The following LRP1B variants were observed in gnomAD, a reference collection of about 807,000 sequenced individuals.
LRP1B encodes LDL receptor related protein 1B.
In LRP1B, 217 loss-of-function variants were observed where a neutral mutation model predicts 556.6. The ratio of observed to expected loss-of-function variants is 0.39; its 90% confidence interval spans 0.35 to 0.44. LRP1B has a LOEUF of 0.44. LRP1B is among the 20% of genes least tolerant of loss of function. The pLI is 1.00. For synonymous variants in LRP1B, 2,047 were observed against 1,865.8 expected, an observed-to-expected ratio of 1.10 and a Z score of -2.50; for missense variants, 5,053 against 5,620.8, an observed-to-expected ratio of 0.90 and a Z score of 3.23.
chr2:141,073,545 C>A (rs1409223879), intron 7 of LRP1B, among the ~76,000 whole-genome samples: 1 of 152,090 alleles, frequency 6.6e-6, no homozygotes, highest in African/African-American at 2.4e-5. Flanking sequence ...ATTAATGTTA[C>A]AATAACTCAC....
chr2:140,354,291 C>T (rs1312371929), intron 75 of LRP1B, among the ~76,000 whole-genome samples: 6 of 152,010 alleles, frequency 3.9e-5, no homozygotes, highest in Non-Finnish European at 8.8e-5. Flanking sequence ...TCTAAGGGCT[C>T]AGAGGTAGAG....
Position 142,012,212 on chromosome 2 carries a change from A to AT in LRP1B, c.82+118435dup, listed in dbSNP as rs149213686. On this transcript the variant is annotated intron_variant, in intron 1 of 90. Coordinates refer to ENST00000389484, the MANE Select transcript of LRP1B (RefSeq NM_018557.3). Reference sequence around the variant, plus strand: ...TATTTATTTTCACATTTTAGTTTTGATTTTTTTATAAAGTTGATATTGTTC... The same window carrying AT: ...TATTTATTTTCACATTTTAGTTTTGATTTTTTTTATAAAGTTGATATTGTTC... Among the ~76,000 whole-genome samples, 1,360 of 152,132 alleles carry AT rather than the reference A, an allele frequency of 8.9e-3. 20 individuals are homozygous for AT. The highest frequency in any genetic ancestry group is 0.031 in the African/African-American group (1,299 of 41,522).
chr2:141,833,971 G>T (rs1315876193), intron 1 of LRP1B, among the ~76,000 whole-genome samples: 1 of 143,356 alleles, frequency 7.0e-6, no homozygotes, highest in African/African-American at 3.0e-5. Flanking sequence ...AAGAGGATTA[G>T]GAAAAGTAAA....
At chr2:142,087,422 A>G (rs555480274) in intron 1 of LRP1B, among the ~76,000 whole-genome samples, 3 of 152,140 alleles carry the variant, frequency 2.0e-5, no homozygotes, top group African/African-American at 4.8e-5. Flanking sequence ...GATTATTTAC[A>G]TGAATTACAA....
intron 2 of LRP1B, among the ~76,000 whole-genome samples, chr2:141,768,667 A>G (rs1166317908): frequency 1.3e-5 from 2 of 152,136 alleles, no homozygotes; most frequent in East Asian, 3.9e-4. Context: ...GTACTTCAAG[A>G]GGAAAGCCTT....
intron 66 of LRP1B, among the ~76,000 whole-genome samples, chr2:140,425,462 G>A (rs930639430): frequency 6.6e-6 from 1 of 152,006 alleles, no homozygotes; most frequent in African/African-American, 2.4e-5. Flanking sequence ...GGAGTGCAGT[G>A]GCATGATCTT....
chr2:141,331,625 A>G (rs1048383194), intron 3 of LRP1B, among the ~76,000 whole-genome samples: 1 of 151,794 alleles, frequency 6.6e-6, no homozygotes, highest in African/African-American at 2.4e-5. Context: ...AAATTTAAAA[A>G]ACACTGATCA....
Position 140,526,003 on chromosome 2 carries a change from G to C in LRP1B, c.7877-10C>G. ...GTGCAGTCTGTGTTATCTAGAAGAA[G>C]GTAAACAAAAAATGAAAAAGTACCT... On this transcript the variant is annotated splice_polypyrimidine_tract_variant and intron_variant, in intron 48 of 90. Transcript: ENST00000389484. 3 of 1,608,366 alleles carry C rather than the reference G, an allele frequency of 1.9e-6. No homozygotes were observed. Among genetic ancestry groups the C allele is most frequent in the Non-Finnish European group, 1.7e-6 (2 of 1,177,610 alleles).
chr2:140,866,291 G>A (rs1394979764), intron 27 of LRP1B, among the ~76,000 whole-genome samples: 1 of 152,078 alleles, frequency 6.6e-6, no homozygotes, highest in Non-Finnish European at 1.5e-5. Flanking sequence ...TTCTAGAGAA[G>A]CGTATTTTTT....
At chr2:141,259,651 G>T (rs35784032) in intron 3 of LRP1B, among the ~76,000 whole-genome samples, 2 of 152,172 alleles carry the variant, frequency 1.3e-5, no homozygotes, top group Admixed American at 6.5e-5. Context: ...TAACCCAACT[G>T]GACTGTGATA....
intron 41 of LRP1B, among the ~76,000 whole-genome samples, chr2:140,699,746 T>A (rs192531350): frequency 2.0e-5 from 3 of 148,940 alleles, no homozygotes; most frequent in African/African-American, 7.3e-5. Flanking sequence ...ATCATTTCCA[T>A]AACATTTTCT....
At chr2:140,257,568 C>T (rs1375852158) in intron 86 of LRP1B, among the ~76,000 whole-genome samples, 1 of 152,094 alleles carries the variant, frequency 6.6e-6, no homozygotes, top group Non-Finnish European at 1.5e-5. Flanking sequence ...GATATGTGTT[C>T]CTTTTGTTCC....
intron 1 of LRP1B, among the ~76,000 whole-genome samples, chr2:142,036,396 T>C (rs1178486757): frequency 6.6e-6 from 1 of 151,736 alleles, no homozygotes; most frequent in Non-Finnish European, 1.5e-5. Context: ...ATTATATATC[T>C]GTTTTCTCTT....
chr2:141,218,192 T>C (rs564628596), intron 6 of LRP1B, among the ~76,000 whole-genome samples: 64 of 152,332 alleles, frequency 4.2e-4, no homozygotes, highest in Middle Eastern at 3.4e-3. Context: ...GGTGGGATTG[T>C]AAATTCGTTC....
intron 10 of LRP1B, 126 bp downstream of exon 10, chr2:141,054,990 A>G: frequency 2.0e-6 from 2 of 998,588 alleles, no homozygotes; most frequent in Non-Finnish European, 2.9e-6. Context: ...TGGACAGTAT[A>G]TATTTGCAGG....
chr2:141,812,248 T>C (rs1696381638), intron 1 of LRP1B, among the ~76,000 whole-genome samples: 1 of 152,094 alleles, frequency 6.6e-6, no homozygotes, highest in South Asian at 2.1e-4. Flanking sequence ...ATTTTGCTTA[T>C]AGATAAAGAG....
intron 3 of LRP1B, among the ~76,000 whole-genome samples, chr2:141,268,282 A>G (rs1310446222): frequency 6.6e-6 from 1 of 152,240 alleles, no homozygotes; most frequent in Non-Finnish European, 1.5e-5. Flanking sequence ...TAAAGAGACT[A>G]GGCAGGAAGC....
At chr2:141,221,772 C>G (rs1363533211) in intron 6 of LRP1B, among the ~76,000 whole-genome samples, 1 of 152,140 alleles carries the variant, frequency 6.6e-6, no homozygotes, top group Non-Finnish European at 1.5e-5. Flanking sequence ...GATTAAGAAA[C>G]TCACTGAAAA....
In LRP1B at chr2:141,310,136, T is replaced by A. The variant is rs150624034; in HGVS notation, c.344-55495A>T. Among the ~76,000 whole-genome samples the A allele has an allele frequency of 2.6e-5, 4 of 152,258 alleles. No individual in the cohort carries two copies. In the East Asian group the frequency reaches 7.7e-4, roughly 29 times the overall value. On this transcript the variant is annotated intron_variant, in intron 3 of 90. Transcript: ENST00000389484. ...TATAGGTAGACAAACAACTAAGTAC[T>A]ATAGTCAGTTTACTACAACATAAAA...
Sources: allele counts gnomAD v4.1 joint callset (sites outside exome capture counted in the v4.1 genomes callset), GRCh38; gene constraint gnomAD v4.1.1; transcripts MANE v1.5; gene names NCBI Gene and HGNC (gene_info 2026-07-23, HGNC 2026-07-21).